The following FMO5 variants were observed in gnomAD, a reference collection of about 807,000 sequenced individuals.
The protein encoded by FMO5 is flavin-containing monooxygenase 5.
Under a neutral mutation model 43.6 loss-of-function variants are expected in FMO5, and 51 were observed. That is an observed-to-expected ratio of 1.17 (90% CI 0.93 to 1.48). The LOEUF (loss-of-function observed/expected upper bound fraction) is 1.48. Ranked by LOEUF, FMO5 falls within the 40% of genes most tolerant of loss-of-function variation. The pLI is 0.00. For missense variants in FMO5, 644 were observed against 643.0 expected (o/e 1.00, Z -0.02); for synonymous variants, 187 against 216.5 (o/e 0.86, Z 1.20).
upstream of FMO5, among the ~76,000 whole-genome samples, chr1:147,226,477 C>T (rs1207409883): frequency 1.3e-5 from 2 of 151,852 alleles, no homozygotes; most frequent in Non-Finnish European, 2.9e-5. Flanking sequence ...ATATTAGTAA[C>T]CAAAAATACA....
chr1:147,218,351 T>C lies in FMO5; in HGVS notation c.136-2409A>G, dbSNP rs587663054. On this transcript the variant is annotated intron_variant, in intron 2 of 8. Coordinates refer to ENST00000254090, the MANE Select transcript of FMO5 (RefSeq NM_001461.4). ...CCTGGGTTCAAGCAATTTTCCTGCC[T>C]CAGCCTCCCGAGTAGCTGGGCCTAC... is the stretch of plus-strand genomic sequence containing the variant. Among the ~76,000 whole-genome samples the C allele has an allele frequency of 2.6e-5, 4 of 152,176 alleles. No homozygotes were observed. In the South Asian group the frequency reaches 6.2e-4, roughly 24 times the overall value.
At chr1:147,216,615 G>T (rs1320044530) in intron 2 of FMO5, among the ~76,000 whole-genome samples, 2 of 152,090 alleles carry the variant, frequency 1.3e-5, no homozygotes, top group African/African-American at 2.4e-5. Flanking sequence ...TATGTTAAAG[G>T]ATGTTAATAC....
At chr1:147,222,170 G>A (rs587662412) in intron 2 of FMO5, among the ~76,000 whole-genome samples, 1 of 152,286 alleles carries the variant, frequency 6.6e-6, no homozygotes, top group South Asian at 2.1e-4. Flanking sequence ...AGGAGTTCGA[G>A]AATAGCCTGG....
intron 6 of FMO5, among the ~76,000 whole-genome samples, chr1:147,206,393 C>A (rs1660052284): frequency 1.3e-5 from 2 of 152,164 alleles, no homozygotes; most frequent in Non-Finnish European, 1.5e-5. Context: ...TACCATTTGA[C>A]CCAACCATCC....
In FMO5 at chr1:147,213,405, A is replaced by G; in HGVS notation, c.390T>C (p.Thr130=). The G allele has an allele frequency of 6.2e-7, 1 of 1,613,696 alleles. No individual in the cohort carries two copies. Among genetic ancestry groups the G allele is most frequent in the Non-Finnish European group, 8.5e-7 (1 of 1,179,820 alleles). ...FATSGQWEVV[T]ESEGKKEMNV... ...TCATCTCCTTTTTCCCTTCAGATTC[A>G]GTGACCACTTCCCATTGGCCTGAAG... is the stretch of plus-strand genomic sequence containing the variant. The change falls in exon 4 of 9, where the codon ACT becomes ACC. Residue 130 remains threonine (T), a synonymous_variant. Transcript: ENST00000254090.
At chr1:147,204,775 T>C (rs1659667201) in intron 6 of FMO5, 2 of 1,574,510 alleles carry the variant, frequency 1.3e-6, no homozygotes, top group Middle Eastern at 1.7e-4. Flanking sequence ...AACCATTTTT[T>C]TCATTCCATT....
At chr1:147,222,880 A>G (rs587648818) in intron 2 of FMO5, among the ~76,000 whole-genome samples, 5 of 152,326 alleles carry the variant, frequency 3.3e-5, no homozygotes, top group Admixed American at 2.6e-4. Context: ...AATTGATTTC[A>G]TGCCTTTTCA....
chr1:147,217,719 A>G (rs1553925309), intron 2 of FMO5, among the ~76,000 whole-genome samples: 1 of 152,226 alleles, frequency 6.6e-6, no homozygotes, highest in East Asian at 1.9e-4. Flanking sequence ...ACCTGTTTCA[A>G]CCAAAGTGTT....
chr1:147,204,551 C>A, intron 6 of FMO5: 4 of 1,583,480 alleles, frequency 2.5e-6, no homozygotes, highest in Non-Finnish European at 3.5e-6. Context: ...CCTTCTATGA[C>A]CTCTGAAACT....
Position 147,213,385 on chromosome 1 carries a change from T to C in FMO5, c.410A>G (p.Glu137Gly). 1 of 1,613,876 alleles carries C rather than the reference T, an allele frequency of 6.2e-7. No individual in the cohort carries two copies. Among genetic ancestry groups the C allele is most frequent in the Non-Finnish European group, 8.5e-7 (1 of 1,179,884 alleles). ...EVVTESEGKK[E>G]MNVFDGVMVC... ...CATGACTCCATCAAAGACATTCATC[T>C]CCTTTTTCCCTTCAGATTCAGTGAC... is the stretch of plus-strand genomic sequence containing the variant. The change falls in exon 4 of 9, where the codon GAG becomes GGG. Residue 137 changes from glutamate (E) to glycine (G), a missense_variant. Glu to Gly is a moderately conservative substitution (Grantham distance 98). Transcript: ENST00000254090.
Position 147,213,413 on chromosome 1 carries a change from C to T in FMO5, c.382G>A (p.Val128Met). Residue 128 changes from valine to methionine, a missense_variant, in exon 4 of 9, where the codon GTG (valine) becomes ATG (methionine). Transcript: ENST00000254090. ...PDFATSGQWE[V>M]VTESEGKKEM... ...TTTTTCCCTTCAGATTCAGTGACCA[C>T]TTCCCATTGGCCTGAAGTGGCAAAA... 6.2e-7 allele frequency: 1 copy of T among 1,613,662 alleles called. No individual in the cohort carries two copies. Among genetic ancestry groups the T allele is most frequent in the Non-Finnish European group, 8.5e-7 (1 of 1,179,784 alleles).
At chr1:147,191,710 G>A (rs1553918529) in intron 7 of FMO5, among the ~76,000 whole-genome samples, 2 of 151,564 alleles carry the variant, frequency 1.3e-5, no homozygotes, top group Non-Finnish European at 2.9e-5. Context: ...AAGGGATCCA[G>A]TTTCAGCTTT....
At chr1:147,185,536 G>A (rs935886794), downstream of FMO5, among the ~76,000 whole-genome samples, 5 of 152,086 alleles carry the variant, frequency 3.3e-5, no homozygotes, top group Admixed American at 1.3e-4. Flanking sequence ...AGGTAAATTC[G>A]GTGAAAGGGC....
At chr1:147,213,233 C>T in intron 4 of FMO5, 75 bp downstream of exon 4, 1 of 1,247,718 alleles carries the variant, frequency 8.0e-7, no homozygotes, top group South Asian at 1.8e-5. Context: ...ATTACTCAGA[C>T]CACAATCCTC....
chr1:147,195,396 G>T (rs1261911907), intron 7 of FMO5, among the ~76,000 whole-genome samples: 1 of 151,944 alleles, frequency 6.6e-6, no homozygotes, highest in Admixed American at 6.6e-5. Flanking sequence ...GCATCCCAAG[G>T]TGCTGGGATT....
At chr1:147,185,664 C>T (rs6690158), downstream of FMO5, among the ~76,000 whole-genome samples, 6,286 of 152,220 alleles carry the variant, frequency 0.041, 303 homozygotes, top group East Asian at 0.17. Context: ...TTCCATTGTT[C>T]AGGTTTATCC....
chr1:147,221,301 A>G (rs1256243492), intron 2 of FMO5, among the ~76,000 whole-genome samples: 1 of 152,198 alleles, frequency 6.6e-6, no homozygotes, highest in Admixed American at 6.5e-5. Flanking sequence ...ATAATGTATC[A>G]ATATTGGTTC....
chr1:147,206,324 G>A (rs1475919368), intron 6 of FMO5, among the ~76,000 whole-genome samples: 1 of 152,186 alleles, frequency 6.6e-6, no homozygotes, highest in Non-Finnish European at 1.5e-5. Context: ...TGGTGGGACT[G>A]TAAACTAGTT....
chr1:147,191,207 G>A (rs1433934497), intron 7 of FMO5, among the ~76,000 whole-genome samples: 1 of 152,128 alleles, frequency 6.6e-6, no homozygotes, highest in Non-Finnish European at 1.5e-5. Context: ...CCAGTAATGG[G>A]ATGGTTGGGT....
Sources: gnomAD v4.1 joint callset for allele counts (sites outside exome capture counted in the v4.1 genomes callset) on GRCh38, gnomAD v4.1.1 for gene constraint, MANE v1.5 for transcripts, NCBI Gene and HGNC (gene_info 2026-07-23, HGNC 2026-07-21) for gene names.